The following CADM2 variants were observed in gnomAD, a reference collection of about 807,000 sequenced individuals.
CADM2 encodes cell adhesion molecule 2, also known as immunoglobulin superfamily member 4D.
In CADM2, 12 loss-of-function variants were observed where a neutral mutation model predicts 49.8. That is an observed-to-expected ratio of 0.24 (90% CI 0.15 to 0.39). The LOEUF (loss-of-function observed/expected upper bound fraction) is 0.39. Ranked by LOEUF, CADM2 falls within the 10% of genes least tolerant of loss-of-function variation. The pLI is 1.00. For synonymous variants in CADM2, 214 were observed against 175.4 expected, an observed-to-expected ratio of 1.22 and a Z score of -1.74; for missense variants, 378 against 492.3, an observed-to-expected ratio of 0.77 and a Z score of 2.20.
At chr3:85,894,692 ACTT>A (rs1297182861) in intron 5 of CADM2, among the ~76,000 whole-genome samples, 2 of 152,086 alleles carry the variant, frequency 1.3e-5, no homozygotes, top group Non-Finnish European at 2.9e-5. Context: ...AGGTCCAGGG[ACTT>A]CTTCTGTGTG....
intron 8 of CADM2, among the ~76,000 whole-genome samples, chr3:86,042,764 A>G (rs189905973): frequency 5.8e-4 from 89 of 152,216 alleles, no homozygotes; most frequent in African/African-American, 2.0e-3. Context: ...AAGCCTGGCA[A>G]AGACACAACA....
intron 1 of CADM2, among the ~76,000 whole-genome samples, chr3:85,511,072 G>A (rs1011319527): frequency 1.3e-5 from 2 of 151,908 alleles, no homozygotes; most frequent in African/African-American, 4.8e-5. Context: ...TATTTCACAC[G>A]TTAGACCTTT....
intron 8 of CADM2, chr3:86,014,853 T>C: frequency 1.3e-6 from 2 of 1,519,006 alleles, no homozygotes; most frequent in South Asian, 2.5e-5. Flanking sequence ...TGACATCAAG[T>C]TTTTTCCTAA....
At chr3:85,374,192 A>G (rs1224535954) in intron 1 of CADM2, among the ~76,000 whole-genome samples, 2 of 152,200 alleles carry the variant, frequency 1.3e-5, no homozygotes, top group East Asian at 1.9e-4. Context: ...TAAAATGTGA[A>G]TGCTTTTAGG....
chr3:85,629,086 T>A (rs1224818560), intron 1 of CADM2, among the ~76,000 whole-genome samples: 1 of 151,856 alleles, frequency 6.6e-6, no homozygotes, highest in Non-Finnish European at 1.5e-5. Flanking sequence ...TTTCATGTAA[T>A]GGTAATCTCT....
At chr3:85,602,886 C>T (rs149551038) in intron 1 of CADM2, among the ~76,000 whole-genome samples, 2 of 151,692 alleles carry the variant, frequency 1.3e-5, no homozygotes, top group African/African-American at 4.8e-5. Context: ...GAATTGTTTT[C>T]GTTTGACCCC....
chr3:85,641,525 G>A (rs113564679), intron 1 of CADM2, among the ~76,000 whole-genome samples: 2,811 of 152,234 alleles, frequency 0.018, 91 homozygotes, highest in African/African-American at 0.055. Flanking sequence ...AAATTATATT[G>A]TTTGGACAGG....
intron 1 of CADM2, among the ~76,000 whole-genome samples, chr3:85,232,973 C>T (rs1410355739): frequency 6.6e-6 from 1 of 151,830 alleles, no homozygotes; most frequent in African/African-American, 2.4e-5. Context: ...TTCATAATTG[C>T]CAAAAATGGG....
intron 1 of CADM2, among the ~76,000 whole-genome samples, chr3:85,367,456 C>T (rs762198931): frequency 2.6e-5 from 4 of 151,528 alleles, no homozygotes; most frequent in Non-Finnish European, 4.4e-5. Context: ...TTGCAATTGC[C>T]GTTCACTGCT....
intron 1 of CADM2, among the ~76,000 whole-genome samples, chr3:85,325,762 G>C (rs577881809): frequency 2.0e-5 from 3 of 151,084 alleles, no homozygotes; most frequent in African/African-American, 7.3e-5. Context: ...TTTTTATCAG[G>C]AGCCATGATT....
chr3:85,223,305 G>C (rs988899489), intron 1 of CADM2, among the ~76,000 whole-genome samples: 2 of 152,078 alleles, frequency 1.3e-5, no homozygotes, highest in Admixed American at 6.6e-5. Context: ...TATTGGGCTA[G>C]GATTTAAGGT....
At chr3:85,211,156 C>A (rs1645798512) in intron 1 of CADM2, among the ~76,000 whole-genome samples, 1 of 151,968 alleles carries the variant, frequency 6.6e-6, no homozygotes. Context: ...ATTTATAATT[C>A]TATTTCTTTG....
intron 1 of CADM2, among the ~76,000 whole-genome samples, chr3:85,364,882 A>G (rs968249685): frequency 5.3e-5 from 8 of 151,196 alleles, no homozygotes; most frequent in African/African-American, 1.7e-4. Context: ...CAACAACAAC[A>G]ACAACAACAA....
intron 1 of CADM2, among the ~76,000 whole-genome samples, chr3:85,712,596 T>C (rs974909580): frequency 6.6e-6 from 1 of 152,210 alleles, no homozygotes; most frequent in Admixed American, 6.5e-5. Context: ...CTGAGTACTG[T>C]TACCTATTGA....
intron 1 of CADM2, among the ~76,000 whole-genome samples, chr3:85,233,920 A>G (rs2042355622): frequency 6.6e-6 from 1 of 152,130 alleles, no homozygotes; most frequent in African/African-American, 2.4e-5. Context: ...CAAATATAGT[A>G]TGAATTATTT....
chr3:85,714,496 G>C (rs1419998185), intron 1 of CADM2, among the ~76,000 whole-genome samples: 1 of 151,710 alleles, frequency 6.6e-6, no homozygotes, highest in Admixed American at 6.6e-5. Flanking sequence ...GTGGGATCTC[G>C]GCTCACTGCA....
At chr3:85,321,063 T>C (rs1307110726) in intron 1 of CADM2, among the ~76,000 whole-genome samples, 1 of 135,162 alleles carries the variant, frequency 7.4e-6, no homozygotes, top group East Asian at 2.3e-4. Flanking sequence ...AACTATATTG[T>C]TTTAAATGTA....
chr3:85,317,609 A>C (rs756745427), intron 1 of CADM2, among the ~76,000 whole-genome samples: 4 of 152,194 alleles, frequency 2.6e-5, no homozygotes, highest in Non-Finnish European at 5.9e-5. Flanking sequence ...CAGAGGAGGA[A>C]CACTGTTTCT....
At chr3:85,304,882 C>T (rs2044178128) in intron 1 of CADM2, among the ~76,000 whole-genome samples, 1 of 151,650 alleles carries the variant, frequency 6.6e-6, no homozygotes, top group Admixed American at 6.6e-5. Context: ...ACTTATGACT[C>T]TCTATTTCCA....
Sources: gnomAD v4.1 joint callset for allele counts (sites outside exome capture counted in the v4.1 genomes callset) on GRCh38, gnomAD v4.1.1 for gene constraint, MANE v1.5 for transcripts, NCBI Gene and HGNC (gene_info 2026-07-23, HGNC 2026-07-21) for gene names.